The following MALRD1 variants were observed in gnomAD, a reference collection of about 807,000 sequenced individuals.
MALRD1 encodes the protein MAM and LDL-receptor class A domain-containing protein 1.
A neutral mutation model predicts 242.1 loss-of-function variants in MALRD1; 247 were observed. That is an observed-to-expected ratio of 1.02 (90% confidence interval 0.92 to 1.13). The LOEUF (loss-of-function observed/expected upper bound fraction) is 1.13, where lower values mean the gene tolerates loss of function less well. Among genes scored for constraint, MALRD1 ranks in the 50% most tolerant of loss-of-function variants. MALRD1 has a pLI of 0.00. For missense variants in MALRD1, 2,989 were observed against 2,533.1 expected (o/e 1.18, Z -3.86); for synonymous variants, 995 against 866.6 (o/e 1.15, Z -2.60).
At chr10:19,464,334 T>C (rs190000640) in intron 29 of MALRD1, among the ~76,000 whole-genome samples, 2 of 152,338 alleles carry the variant, frequency 1.3e-5, no homozygotes, top group African/African-American at 4.8e-5. Context: ...AGAATTTTTA[T>C]AGCTTCAGGT....
In MALRD1 at chr10:19,307,206, C is replaced by CTA. The variant is rs1842250877; in HGVS notation, c.3420-16741_3420-16740dup. On this transcript the variant is annotated intron_variant, in intron 21 of 39. Transcript: ENST00000454679. ...CATTATATACTTTGGTCGGACATAA[C>CTA]TATTCTCAGCTACAGAAACATCAAA... Among the ~76,000 whole-genome samples the CTA allele has an allele frequency of 2.0e-5, 3 of 150,940 alleles. No individual in the cohort carries two copies. In the Admixed American group the frequency reaches 2.0e-4, roughly 10 times the overall value.
In MALRD1 at chr10:19,108,830, G is replaced by C. The variant is rs544674114; in HGVS notation, c.694+4755G>C. Among the ~76,000 whole-genome samples the C allele has an allele frequency of 3.9e-5, 6 of 152,122 alleles. No individual in the cohort carries two copies. In the South Asian group the frequency reaches 1.0e-3, roughly 26 times the overall value. ...ATATATAAATTTCCATTTTGGGTGG[G>C]GGTCAGGTACTGGAGAGTTATTGTG... On this transcript the variant is annotated intron_variant, in intron 5 of 39. Transcript: ENST00000454679.
chr10:19,486,785 G>A (rs1430553806), intron 29 of MALRD1, among the ~76,000 whole-genome samples: 4 of 152,102 alleles, frequency 2.6e-5, no homozygotes, highest in African/African-American at 9.7e-5. Flanking sequence ...TGAACTCTGT[G>A]TACAAAACGA....
chr10:19,583,454 A>C (rs1330724692), intron 33 of MALRD1, among the ~76,000 whole-genome samples: 6 of 150,562 alleles, frequency 4.0e-5, no homozygotes, highest in Non-Finnish European at 7.4e-5. Flanking sequence ...ATTTTGTCAA[A>C]GGCCTTTTCT....
At chr10:19,144,468 G>A (rs1299555628) in intron 10 of MALRD1, among the ~76,000 whole-genome samples, 2 of 152,234 alleles carry the variant, frequency 1.3e-5, no homozygotes, top group Non-Finnish European at 1.5e-5. Context: ...GCACTTCAAT[G>A]TTTTAAGAGT....
At chr10:19,658,051 G>C (rs1841247779) in intron 36 of MALRD1, among the ~76,000 whole-genome samples, 1 of 151,992 alleles carries the variant, frequency 6.6e-6, no homozygotes, top group African/African-American at 2.4e-5. Context: ...AGGAGGTTGA[G>C]GCAGGAGAAT....
chr10:19,732,103 G>A (rs772097482), intron 39 of MALRD1, among the ~76,000 whole-genome samples: 20 of 152,010 alleles, frequency 1.3e-4, no homozygotes, highest in Non-Finnish European at 2.2e-4. Flanking sequence ...TAGATGATTC[G>A]ACAAGTAAAT....
intron 29 of MALRD1, among the ~76,000 whole-genome samples, chr10:19,478,607 ATC>A (rs145909511): frequency 0.024 from 3,619 of 152,228 alleles, 164 homozygotes; most frequent in African/African-American, 0.083. Flanking sequence ...GCAATTTTAT[ATC>A]TCGTACTAAG....
At chr10:19,047,385 T>C (rs1362367524), upstream of MALRD1, among the ~76,000 whole-genome samples, 11 of 146,460 alleles carry the variant, frequency 7.5e-5, no homozygotes, top group Non-Finnish European at 7.5e-5. Flanking sequence ...TGTGTGTGTG[T>C]CTGCGTGTTC....
chr10:19,101,880 A>T (rs1836273029), intron 4 of MALRD1, among the ~76,000 whole-genome samples: 1 of 137,382 alleles, frequency 7.3e-6, no homozygotes, highest in Non-Finnish European at 1.5e-5. Context: ...TATATTACAA[A>T]TTTATTAATA....
At chr10:19,613,425 C>T (rs1838991840) in intron 35 of MALRD1, among the ~76,000 whole-genome samples, 2 of 152,076 alleles carry the variant, frequency 1.3e-5, no homozygotes, top group Non-Finnish European at 2.9e-5. Flanking sequence ...ACCAACTAGC[C>T]AATGACCCAG....
chr10:19,095,707 C>A (rs1367211145), intron 4 of MALRD1, among the ~76,000 whole-genome samples: 3 of 152,086 alleles, frequency 2.0e-5, no homozygotes, highest in Non-Finnish European at 4.4e-5. Context: ...AGAATGAGTA[C>A]CCCCGAGCAC....
chr10:19,146,214 T>C lies in MALRD1; in HGVS notation c.1428T>C (p.Cys476=), dbSNP rs1481899681. 2 of 1,231,636 alleles carry C rather than the reference T, an allele frequency of 1.6e-6. No homozygotes were observed. Among genetic ancestry groups the C allele is most frequent in the Non-Finnish European group, 1.0e-6 (1 of 987,974 alleles). The allele number at this position is 1,231,636 out of a possible 1,614,324, so 76.3% of individuals were successfully genotyped here. The change falls in exon 11 of 40, where the codon TGT becomes TGC. Residue 476 remains cysteine (C), a synonymous_variant. Transcript: ENST00000454679. ...GTGTAACAGCAAAGCATCTCACCTG[T>C]GACTTTGAGTCGGGTTTCTGCGGTT... ...DPATCSKHLT[C]DFESGFCGWE... is the part of the protein sequence containing the mutation.
chr10:19,526,373 T>C (rs185660308), intron 31 of MALRD1, among the ~76,000 whole-genome samples: 41 of 151,078 alleles, frequency 2.7e-4, no homozygotes, highest in Non-Finnish European at 5.0e-4. Context: ...AAAATACATA[T>C]ATATATATAT....
intron 4 of MALRD1, among the ~76,000 whole-genome samples, chr10:19,088,675 C>A (rs1175358825): frequency 9.5e-6 from 1 of 105,144 alleles, no homozygotes; most frequent in South Asian, 3.4e-4. Flanking sequence ...CATGCTGGTG[C>A]GCTGCACCCA....
At chr10:19,709,295 A>G (rs1439792561) in intron 38 of MALRD1, among the ~76,000 whole-genome samples, 2 of 150,960 alleles carry the variant, frequency 1.3e-5, no homozygotes, top group African/African-American at 4.9e-5. Context: ...GCATGGTGGC[A>G]TGCACCAGCT....
At chr10:19,629,928 A>G (rs1839832076) in intron 36 of MALRD1, among the ~76,000 whole-genome samples, 1 of 152,202 alleles carries the variant, frequency 6.6e-6, no homozygotes, top group South Asian at 2.1e-4. Context: ...TCTGCCTTAC[A>G]GAAGCAGAAT....
intron 28 of MALRD1, among the ~76,000 whole-genome samples, chr10:19,446,438 T>C (rs1244564802): frequency 1.3e-5 from 2 of 152,204 alleles, no homozygotes; most frequent in African/African-American, 4.8e-5. Flanking sequence ...ATTATTTAAA[T>C]GGTTTAAAAA....
chr10:19,491,596 T>C lies in MALRD1; in HGVS notation c.5109T>C (p.Leu1703=). 1.9e-6 allele frequency: 3 copies of C among 1,550,228 alleles called. No individual in the cohort carries two copies. Among genetic ancestry groups the C allele is most frequent in the Non-Finnish European group, 2.6e-6 (3 of 1,146,858 alleles). Residue 1703 remains leucine, a synonymous_variant, in exon 30 of 40, where the codon CTT becomes CTC. Transcript: ENST00000454679. ...RDKKCIASHL[L]CDYKPDCSDR... ...AGAAGTGCATTGCATCCCACCTTCTTTGTGACTATAAGCCAGACTGCTCTG... is the reference window on the plus strand; with the variant it reads ...AGAAGTGCATTGCATCCCACCTTCTCTGTGACTATAAGCCAGACTGCTCTG...
Sources: gnomAD v4.1 joint callset for allele counts (sites outside exome capture counted in the v4.1 genomes callset) on GRCh38, gnomAD v4.1.1 for gene constraint, MANE v1.5 for transcripts, NCBI Gene and HGNC (gene_info 2026-07-23, HGNC 2026-07-21) for gene names.